Variants in ATG13 observed in about 807,000 individuals in gnomAD.
The protein encoded by ATG13 is autophagy related 13.
A neutral mutation model predicts 65.5 loss-of-function variants in ATG13; 23 were observed. The ratio of observed to expected loss-of-function variants is 0.35; its 90% CI spans 0.25 to 0.50. ATG13 has a LOEUF of 0.50. Ranked by LOEUF, ATG13 falls within the 20% of genes least tolerant of loss-of-function variation. The pLI is 0.98. For synonymous variants in ATG13, 252 were observed against 245.2 expected, an observed-to-expected ratio of 1.03 and a Z score of -0.26; for missense variants, 566 against 677.0, an observed-to-expected ratio of 0.84 and a Z score of 1.82.
intron 12 of ATG13, among the ~76,000 whole-genome samples, chr11:46,664,327 A>G (rs370717048): frequency 6.6e-6 from 1 of 152,150 alleles, no homozygotes; most frequent in Non-Finnish European, 1.5e-5. Context: ...GGAGTTATTT[A>G]TATCAGATTT....
intron 7 of ATG13, among the ~76,000 whole-genome samples, chr11:46,651,179 GA>G: frequency 6.6e-6 from 1 of 152,180 alleles, no homozygotes; most frequent in South Asian, 2.1e-4. Flanking sequence ...ATGTAGTGAG[GA>G]AAACAATTTG....
intron 2 of ATG13, among the ~76,000 whole-genome samples, chr11:46,634,953 A>G (rs977489619): frequency 7.9e-5 from 12 of 151,862 alleles, no homozygotes; most frequent in African/African-American, 2.7e-4. Context: ...CGCCCGACTC[A>G]GCCTCCCAAA....
intron 2 of ATG13, chr11:46,632,180 T>C (rs1376383589): frequency 1.3e-5 from 2 of 152,192 alleles, no homozygotes; most frequent in African/African-American, 2.4e-5. Flanking sequence ...GGGAACATTA[T>C]AGAGTATAAT....
chr11:46,658,788 G>A (rs1284792548), intron 10 of ATG13, among the ~76,000 whole-genome samples: 2 of 151,928 alleles, frequency 1.3e-5, no homozygotes, highest in Non-Finnish European at 2.9e-5. Flanking sequence ...CGCCTGCTTC[G>A]GCCTCCCAAA....
Position 46,659,438 on chromosome 11 carries a change from T to C in ATG13, c.742T>C (p.Ser248Pro), listed in dbSNP as rs1258567729. The change falls in exon 11 of 19, where the codon TCT (serine) becomes CCT (proline). Residue 248 changes from serine to proline, a missense_variant. Transcript: ENST00000683050. Reference sequence around the variant, plus strand: ...AGTAATATACCCGTCTGTAGAAGACTCTCAAGAAGTGTGTACCACCTCTTT... The same window carrying C: ...AGTAATATACCCGTCTGTAGAAGACCCTCAAGAAGTGTGTACCACCTCTTT... ...TGVIYPSVED[S>P]QEVCTTSFST... 3 of 1,614,032 alleles carry C rather than the reference T, an allele frequency of 1.9e-6. No individual in the cohort carries two copies. The highest frequency in any genetic ancestry group is 2.5e-6 in the Non-Finnish European group (3 of 1,179,978).
rs1425696761 is a variant in ATG13 at position 46,668,583 on chromosome 11, C to T, written c.1329+7C>T. 1 of 1,613,026 alleles carries T rather than the reference C, an allele frequency of 6.2e-7. No individual in the cohort carries two copies. The highest frequency in any genetic ancestry group is 8.5e-7 in the Non-Finnish European group (1 of 1,178,934). ...GGAGGATACCGATCCAATGGTGAGC[C>T]CACCGTTGACTACGAGTTCCCAGTA... is the stretch of plus-strand genomic sequence containing the variant. On this transcript the variant is annotated splice_region_variant and intron_variant, in intron 16 of 18. Coordinates refer to ENST00000683050, the MANE Select transcript of ATG13 (RefSeq NM_001346311.2).
chr11:46,672,193 G>A (rs1286669062), intron 18 of ATG13, 62 bp from the exon 19 acceptor site: 1 of 1,611,818 alleles, frequency 6.2e-7, no homozygotes, highest in African/African-American at 1.3e-5. Context: ...TTCGGGACTG[G>A]GCTGGCTGCC....
chr11:46,658,068 C>CAA (rs1220258366), intron 10 of ATG13, among the ~76,000 whole-genome samples: 3 of 91,680 alleles, frequency 3.3e-5, no homozygotes, highest in African/African-American at 4.1e-5. Flanking sequence ...GACTCCTTCT[C>CAA]AAAAAAAAAA....
At chr11:46,619,722 C>A (rs2046758309) in intron 1 of ATG13, among the ~76,000 whole-genome samples, 1 of 151,354 alleles carries the variant, frequency 6.6e-6, no homozygotes, top group African/African-American at 2.4e-5. Flanking sequence ...TAAATGTGGG[C>A]CAGTTTATTA....
At chr11:46,647,758 A>T (rs887223743) in intron 5 of ATG13, among the ~76,000 whole-genome samples, 41 of 151,230 alleles carry the variant, frequency 2.7e-4, no homozygotes, top group East Asian at 7.8e-4. Flanking sequence ...AAAAAAAAAA[A>T]TTTTGTAGAG....
intron 10 of ATG13, 48 bp from the exon 11 acceptor site, chr11:46,659,344 T>C (rs1238236797): frequency 6.8e-7 from 1 of 1,467,506 alleles, no homozygotes; most frequent in Non-Finnish European, 9.5e-7. Context: ...CTTTCTGAAA[T>C]TGACTGCCAC....
chr11:46,648,768 C>A, intron 5 of ATG13: 1 of 143,110 alleles, frequency 7.0e-6, no homozygotes, highest in East Asian at 2.1e-4. Flanking sequence ...CAGAGTGAGA[C>A]TCTGTCTTTA....
At chr11:46,634,026 G>C (rs1211644757) in intron 2 of ATG13, among the ~76,000 whole-genome samples, 1 of 152,134 alleles carries the variant, frequency 6.6e-6, no homozygotes, top group Non-Finnish European at 1.5e-5. Context: ...TTTGCTGAAA[G>C]TGTCAGCAGG....
At chr11:46,639,673 A>G (rs568636124) in intron 2 of ATG13, among the ~76,000 whole-genome samples, 254 of 152,140 alleles carry the variant, frequency 1.7e-3, no homozygotes, top group African/African-American at 5.9e-3. Context: ...GTAGAGTTTC[A>G]ATTTAAGAGT....
chr11:46,669,275 G>T, intron 17 of ATG13, 129 bp from the exon 18 acceptor site: 2 of 1,181,824 alleles, frequency 1.7e-6, no homozygotes, highest in Non-Finnish European at 2.4e-6. Flanking sequence ...AGAGAAAAGT[G>T]TAAAGATTTC....
chr11:46,658,566 ACT>A (rs2060492855), intron 10 of ATG13, among the ~76,000 whole-genome samples: 1 of 142,710 alleles, frequency 7.0e-6, no homozygotes, highest in Non-Finnish European at 1.5e-5. Context: ...ACGGATTTTC[ACT>A]CTTGTTGTCC....
chr11:46,664,577 C>T (rs920785100), intron 12 of ATG13, among the ~76,000 whole-genome samples: 1 of 152,190 alleles, frequency 6.6e-6, no homozygotes, highest in East Asian at 1.9e-4. Context: ...AGCTCAGCCC[C>T]TGGGAAAACG....
chr11:46,646,863 A>C (rs537146632), intron 5 of ATG13, among the ~76,000 whole-genome samples: 1 of 151,608 alleles, frequency 6.6e-6, no homozygotes, highest in African/African-American at 2.4e-5. Flanking sequence ...AGGCTCAAAC[A>C]GTCCTCCCAC....
intron 5 of ATG13, 101 bp from the exon 6 acceptor site, chr11:46,649,036 T>A: frequency 1.0e-6 from 1 of 963,768 alleles, no homozygotes. Context: ...TCTATTCTTT[T>A]TTTTTTGCTT....
Sources: allele counts gnomAD v4.1 joint callset (sites outside exome capture counted in the v4.1 genomes callset), GRCh38; gene constraint gnomAD v4.1.1; transcripts MANE v1.5; gene names NCBI Gene and HGNC (gene_info 2026-07-23, HGNC 2026-07-21).